IFT88: variants seen among roughly 807,000 people sequenced by gnomAD.
The protein encoded by IFT88 is intraflagellar transport protein 88 homolog.
Under a neutral mutation model 119.5 loss-of-function variants are expected in IFT88, and 74 were observed. That is an observed-to-expected ratio of 0.62 (90% CI 0.51 to 0.75). The LOEUF is 0.75. Among genes scored for constraint, IFT88 ranks in the 30% least tolerant of loss-of-function variants. IFT88 has a pLI of 0.00. For synonymous variants in IFT88, 279 were observed against 316.7 expected (o/e 0.88, Z 1.26); for missense variants, 961 against 977.7 (o/e 0.98, Z 0.23).
intron 24 of IFT88, among the ~76,000 whole-genome samples, chr13:20,689,121 A>G (rs899650447): frequency 1.3e-5 from 2 of 151,936 alleles, no homozygotes; most frequent in African/African-American, 4.8e-5. Context: ...TTTAGTAGAG[A>G]CGGGGTTTCA....
At chr13:20,659,266 G>A (rs966453612) in intron 22 of IFT88, among the ~76,000 whole-genome samples, 12 of 152,164 alleles carry the variant, frequency 7.9e-5, no homozygotes, top group South Asian at 6.2e-4. Flanking sequence ...CACCAAGGCC[G>A]GAGGATTGCT....
intron 14 of IFT88, among the ~76,000 whole-genome samples, chr13:20,623,227 C>G (rs949144946): frequency 6.6e-6 from 1 of 152,156 alleles, no homozygotes; most frequent in African/African-American, 2.4e-5. Flanking sequence ...TTTGTAATTA[C>G]TTTGAAATCA....
intron 1 of IFT88, 55 bp from the exon 2 acceptor site, chr13:20,574,325 T>A (rs555654993): frequency 1.2e-4 from 95 of 765,928 alleles, no homozygotes; most frequent in Admixed American, 6.3e-4. Flanking sequence ...TCTCAAAAAA[T>A]ATATATATAT....
At chr13:20,659,481 A>G (rs1443152132) in intron 22 of IFT88, among the ~76,000 whole-genome samples, 1 of 151,924 alleles carries the variant, frequency 6.6e-6, no homozygotes, top group Non-Finnish European at 1.5e-5. Flanking sequence ...GCATCTCTAA[A>G]TCTCTTAAAA....
At chr13:20,659,464 A>C (rs2053434018) in intron 22 of IFT88, among the ~76,000 whole-genome samples, 1 of 152,160 alleles carries the variant, frequency 6.6e-6, no homozygotes, top group South Asian at 2.1e-4. Context: ...AGTGCACTCC[A>C]GCCTGGGCAT....
intron 24 of IFT88, among the ~76,000 whole-genome samples, chr13:20,687,664 T>C (rs1177022037): frequency 6.6e-6 from 1 of 151,958 alleles, no homozygotes; most frequent in Admixed American, 6.6e-5. Context: ...GGTAAGATAG[T>C]CTAAATATTC....
intron 13 of IFT88, among the ~76,000 whole-genome samples, chr13:20,613,012 A>G (rs1361752142): frequency 6.6e-6 from 1 of 152,202 alleles, no homozygotes; most frequent in Non-Finnish European, 1.5e-5. Flanking sequence ...GAGAAATATC[A>G]TTGACTGTCG....
At chr13:20,639,556 T>C (rs1267489191) in intron 17 of IFT88, among the ~76,000 whole-genome samples, 2 of 152,266 alleles carry the variant, frequency 1.3e-5, no homozygotes, top group Middle Eastern at 6.8e-3. Flanking sequence ...TGAGAATGTA[T>C]GTTTCAAGTC....
chr13:20,646,353 A>C (rs1161347433), intron 20 of IFT88, among the ~76,000 whole-genome samples: 1 of 149,016 alleles, frequency 6.7e-6, no homozygotes, highest in Non-Finnish European at 1.5e-5. Context: ...CCCAGGCTGG[A>C]GTGCAGTGGC....
At chr13:20,632,194 C>T (rs771633349) in intron 16 of IFT88, 4 of 151,010 alleles carry the variant, frequency 2.6e-5, no homozygotes, top group African/African-American at 7.3e-5. Flanking sequence ...AGAACCCATA[C>T]GATTTTAAGG....
intron 12 of IFT88, among the ~76,000 whole-genome samples, chr13:20,603,384 CT>C (rs1451690172): frequency 8.1e-6 from 1 of 123,444 alleles, no homozygotes; most frequent in African/African-American, 3.7e-5. Flanking sequence ...AAAACTCCAT[CT>C]CAAAAAAAAA....
intron 2 of IFT88, among the ~76,000 whole-genome samples, chr13:20,578,238 A>T (rs1326828093): frequency 1.3e-5 from 2 of 150,588 alleles, no homozygotes; most frequent in African/African-American, 4.9e-5. Context: ...TAGTAGAGAC[A>T]GAGTTTCACC....
chr13:20,640,677 T>C (rs2049792817), intron 17 of IFT88, among the ~76,000 whole-genome samples: 1 of 152,194 alleles, frequency 6.6e-6, no homozygotes, highest in South Asian at 2.1e-4. Context: ...CCCACTGATT[T>C]TAAATGTCTT....
At chr13:20,597,769 A>ATT (rs1181805946) in intron 9 of IFT88, among the ~76,000 whole-genome samples, 93 of 143,846 alleles carry the variant, frequency 6.5e-4, no homozygotes, top group Admixed American at 1.4e-3. Context: ...ATATATATAT[A>ATT]TTTTTTTTTT....
At chr13:20,592,214 A>G (rs1377104627) in intron 6 of IFT88, 121 bp from the exon 7 acceptor site, 17 of 711,632 alleles carry the variant, frequency 2.4e-5, no homozygotes, top group Non-Finnish European at 3.1e-5. Context: ...TAATAAATAG[A>G]TAATTGAAAC....
intron 22 of IFT88, among the ~76,000 whole-genome samples, chr13:20,659,446 A>ATTGTGCCAGTGCAC (rs2053428812): frequency 6.6e-6 from 1 of 152,052 alleles, no homozygotes; most frequent in South Asian, 2.1e-4. Context: ...GTGAGCTGTG[A>ATTGTGCCAGTGCAC]TTGTGCCAGT....
At chr13:20,674,216 C>T (rs921124991) in intron 24 of IFT88, among the ~76,000 whole-genome samples, 22 of 152,216 alleles carry the variant, frequency 1.4e-4, no homozygotes, top group Admixed American at 3.9e-4. Context: ...TCCCTTTCTC[C>T]TTCCTTTTGA....
chr13:20,573,880 G>A (rs940402707), intron 1 of IFT88, among the ~76,000 whole-genome samples: 41 of 152,146 alleles, frequency 2.7e-4, no homozygotes, highest in African/African-American at 8.7e-4. Flanking sequence ...TTTCAGTGTC[G>A]TAGTTGTGAA....
chr13:20,567,832 CT>C lies in IFT88; in HGVS notation c.-7+577del, dbSNP rs768503252. Reference sequence around the variant, plus strand: ...TTCTAAGCCTAAAATTACACTTTTACTAGTCCGATTTTCTGGTTGTGAGTTT... The same window carrying C: ...TTCTAAGCCTAAAATTACACTTTTACAGTCCGATTTTCTGGTTGTGAGTTT... On this transcript the variant is annotated intron_variant, in intron 1 of 25. Coordinates refer to ENST00000351808, the MANE Select transcript of IFT88 (RefSeq NM_006531.5). The C allele has an allele frequency of 2.2e-4, 256 of 1,145,838 alleles. 1 individual carries two copies. Among genetic ancestry groups the C allele is most frequent in the Non-Finnish European group, 2.8e-4 (242 of 850,080 alleles). 71.0% of individuals were successfully genotyped at this position (1,145,838 alleles called of 1,614,324 possible).
Sources: allele counts gnomAD v4.1 joint callset (sites outside exome capture counted in the v4.1 genomes callset), GRCh38; gene constraint gnomAD v4.1.1; transcripts MANE v1.5; gene names NCBI Gene and HGNC (gene_info 2026-07-23, HGNC 2026-07-21).